Variants in PLGRKT observed in about 807,000 individuals in gnomAD.
The protein encoded by PLGRKT is plasminogen receptor with a C-terminal lysine.
A neutral mutation model predicts 18.5 loss-of-function variants in PLGRKT; 22 were observed. That is an observed-to-expected ratio of 1.19 (90% confidence interval 0.85 to 1.70). The LOEUF (loss-of-function observed/expected upper bound fraction) is 1.70. PLGRKT is among the 40% of genes most tolerant of loss of function. The pLI is 0.00. For missense variants in PLGRKT, 235 were observed against 174.4 expected (o/e 1.35, Z -1.96); for synonymous variants, 72 against 52.8 (o/e 1.36, Z -1.58).
At chr9:5,384,113 G>C (rs1431705412) in intron 3 of PLGRKT, among the ~76,000 whole-genome samples, 1 of 152,226 alleles carries the variant, frequency 6.6e-6, no homozygotes, top group East Asian at 1.9e-4. Flanking sequence ...GTCCACATTG[G>C]AGTTCTAGGT....
At chr9:5,365,690 G>T (rs1305125767) in intron 3 of PLGRKT, among the ~76,000 whole-genome samples, 2 of 152,174 alleles carry the variant, frequency 1.3e-5, no homozygotes, top group African/African-American at 4.8e-5. Flanking sequence ...GAATAGTAAT[G>T]GATCAATGTT....
chr9:5,381,752 T>C (rs972184280), intron 3 of PLGRKT: 2 of 321,772 alleles, frequency 6.2e-6, no homozygotes, highest in Non-Finnish European at 8.9e-6. Context: ...ACTTGTTGCC[T>C]CTGTGTAGTA....
intron 3 of PLGRKT, among the ~76,000 whole-genome samples, chr9:5,385,064 A>C (rs1406997381): frequency 6.6e-6 from 1 of 152,110 alleles, no homozygotes; most frequent in Non-Finnish European, 1.5e-5. Flanking sequence ...GGGAGGGCAG[A>C]TCATGTGGGA....
intron 3 of PLGRKT, among the ~76,000 whole-genome samples, chr9:5,411,640 G>A (rs1818368584): frequency 6.6e-6 from 1 of 152,128 alleles, no homozygotes; most frequent in South Asian, 2.1e-4. Context: ...GCCCTCAGTA[G>A]CCATACCATG....
intron 3 of PLGRKT, among the ~76,000 whole-genome samples, chr9:5,387,024 C>A (rs1474108770): frequency 6.6e-6 from 1 of 151,882 alleles, no homozygotes; most frequent in Non-Finnish European, 1.5e-5. Context: ...GGACAGACTG[C>A]CAAGGGCAGA....
intron 3 of PLGRKT, among the ~76,000 whole-genome samples, chr9:5,362,383 T>G (rs975794813): frequency 1.3e-5 from 2 of 152,216 alleles, no homozygotes; most frequent in African/African-American, 4.8e-5. Context: ...TAGAGATTTT[T>G]CTTTGCCACA....
At chr9:5,401,924 G>T (rs1818162683) in intron 3 of PLGRKT, among the ~76,000 whole-genome samples, 1 of 151,710 alleles carries the variant, frequency 6.6e-6, no homozygotes, top group Non-Finnish European at 1.5e-5. Context: ...TTTCTCTTTG[G>T]TCAACAGACA....
chr9:5,415,900 G>C (rs1475777524), intron 3 of PLGRKT, among the ~76,000 whole-genome samples: 1 of 151,624 alleles, frequency 6.6e-6, no homozygotes, highest in African/African-American at 2.4e-5. Flanking sequence ...GGAGATCTTG[G>C]GTTTGATCCT....
chr9:5,418,514 C>A lies in PLGRKT; in HGVS notation c.81+13383G>T, dbSNP rs1586738819. ...GAGCTTTTCACCATGCCCCGCCTGT[C>A]CTGCTCCTCCTCCGCCACCCCCTGG... On this transcript the variant is annotated intron_variant, in intron 3 of 5. Transcript: ENST00000223864. This position sits in a 1 kb window ranked among gnomAD's most constrained non-coding sequence, Gnocchi z 4.2. 2 of 1,026,160 alleles carry A rather than the reference C, an allele frequency of 1.9e-6. No individual in the cohort carries two copies. Among genetic ancestry groups the A allele is most frequent in the Admixed American group, 3.5e-5 (2 of 57,686 alleles). 63.6% of individuals were successfully genotyped at this position (1,026,160 alleles called of 1,614,324 possible). A position where few individuals can be genotyped will look rare whatever the true frequency, so the allele number is the denominator to read the frequency against.
intron 3 of PLGRKT, among the ~76,000 whole-genome samples, chr9:5,424,438 A>AAACAT (rs1554634087): frequency 2.5e-5 from 3 of 118,858 alleles, no homozygotes; most frequent in African/African-American, 6.6e-5. Context: ...ACATATTATA[A>AAACAT]AATATATTAT....
At chr9:5,430,304 T>G (rs1818796174) in intron 3 of PLGRKT, among the ~76,000 whole-genome samples, 1 of 152,200 alleles carries the variant, frequency 6.6e-6, no homozygotes, top group South Asian at 2.1e-4. Context: ...CCCTGTAGTT[T>G]CCAAAGGTCT....
At chr9:5,387,357 T>C (rs117728592) in intron 3 of PLGRKT, among the ~76,000 whole-genome samples, 1,956 of 151,982 alleles carry the variant, frequency 0.013, 24 homozygotes, top group Middle Eastern at 0.034. Context: ...TTTTCATTCA[T>C]AGCAACAATT....
At chr9:5,395,708 C>T (rs1351289654) in intron 3 of PLGRKT, among the ~76,000 whole-genome samples, 1 of 151,682 alleles carries the variant, frequency 6.6e-6, no homozygotes, top group Non-Finnish European at 1.5e-5. Flanking sequence ...AACTTGTAAG[C>T]CTATCTCTTG....
chr9:5,381,845 T>A, intron 3 of PLGRKT: 1 of 977,502 alleles, frequency 1.0e-6, no homozygotes, highest in Non-Finnish European at 1.2e-6. Flanking sequence ...AACAACAGAC[T>A]AAATTTAACT....
At chr9:5,393,014 G>A (rs1341844673) in intron 3 of PLGRKT, among the ~76,000 whole-genome samples, 1 of 151,286 alleles carries the variant, frequency 6.6e-6, no homozygotes, top group Non-Finnish European at 1.5e-5. Flanking sequence ...GCTAATTTTT[G>A]TATTTTTATT....
At chr9:5,396,956 C>G (rs958699548) in intron 3 of PLGRKT, among the ~76,000 whole-genome samples, 2 of 151,950 alleles carry the variant, frequency 1.3e-5, no homozygotes, top group Non-Finnish European at 2.9e-5. Context: ...CAATGTGATT[C>G]ATACTTCACA....
intron 3 of PLGRKT, among the ~76,000 whole-genome samples, chr9:5,389,171 C>A (rs558001601): frequency 3.9e-5 from 6 of 151,914 alleles, no homozygotes; most frequent in Non-Finnish European, 8.8e-5. Context: ...GATGGGATAT[C>A]TTAAGATTTA....
chr9:5,433,203 G>T (rs1818868373), intron 2 of PLGRKT, among the ~76,000 whole-genome samples: 1 of 148,478 alleles, frequency 6.7e-6, no homozygotes, highest in Non-Finnish European at 1.5e-5. Flanking sequence ...CGTCTAGGAA[G>T]TGAGGAGCAT....
chr9:5,411,215 C>A (rs1012963544), intron 3 of PLGRKT, among the ~76,000 whole-genome samples: 2 of 151,788 alleles, frequency 1.3e-5, no homozygotes, highest in African/African-American at 2.4e-5. Context: ...GAAACCCCGT[C>A]TCTACTAAAA....
Sources: gnomAD v4.1 joint callset for allele counts (sites outside exome capture counted in the v4.1 genomes callset) on GRCh38, gnomAD v4.1.1 for gene constraint, Gnocchi (gnomAD v3.1) non-coding constraint, MANE v1.5 for transcripts, NCBI Gene and HGNC (gene_info 2026-07-23, HGNC 2026-07-21) for gene names.